ACKR3: variants seen among roughly 807,000 people sequenced by gnomAD.
ACKR3 encodes the protein atypical chemokine receptor 3, also known as C-X-C chemokine receptor type 7.
ACKR3 carries 6 observed loss-of-function variants against 22.4 expected under a neutral mutation model. The observed-to-expected ratio is 0.27, with a 90% CI of 0.15 to 0.53. The LOEUF is 0.53. Ranked by LOEUF, ACKR3 falls within the 20% of genes least tolerant of loss-of-function variation. The probability of loss-of-function intolerance (pLI) is 0.96; values close to 1 mark genes in which losing one functional copy is unlikely to be tolerated. For synonymous variants in ACKR3, 209 were observed against 205.2 expected, an observed-to-expected ratio of 1.02 and a Z score of -0.16; for missense variants, 396 against 475.2, an observed-to-expected ratio of 0.83 and a Z score of 1.55.
At chr2:236,538,933 G>A in the ACKR3 span, among the ~76,000 whole-genome samples, 63 of 152,172 alleles carry the variant, frequency 4.1e-4, no homozygotes, top group Non-Finnish European at 6.9e-4. Context: ...CAAAGTAGGC[G>A]CGGACAGGCT....
At chr2:236,556,650 C>A in the ACKR3 span, among the ~76,000 whole-genome samples, 1 of 152,154 alleles carries the variant, frequency 6.6e-6, no homozygotes, top group South Asian at 2.1e-4. Flanking sequence ...TGATCTCAGC[C>A]CAGGATATCT....
At chr2:236,572,000 G>A (rs939054024) in intron 1 of ACKR3, among the ~76,000 whole-genome samples, 1 of 152,108 alleles carries the variant, frequency 6.6e-6, no homozygotes, top group Admixed American at 6.5e-5. Flanking sequence ...CATAATTCAG[G>A]AAGAAACTAA....
At position 236,574,936 on chromosome 2, in the gene ACKR3, G is replaced by C. The variant is rs1402454525; in HGVS notation, c.-27+5012G>C. ...GCTGGCAGGGATGGAGGGCTGGACA[G>C]GTGCTTGCCCACCGCCGGCCACGGG... On this transcript the variant is annotated intron_variant, in intron 1 of 1. Coordinates refer to ENST00000272928, the MANE Select transcript of ACKR3 (RefSeq NM_020311.3). The surrounding 1 kb of genome is among the most constrained non-coding windows in gnomAD (Gnocchi z 5.6). Among the ~76,000 whole-genome samples the C allele has an allele frequency of 6.6e-6, 1 of 152,144 alleles. No individual in the cohort carries two copies. The highest frequency in any genetic ancestry group is 1.5e-5 in the Non-Finnish European group (1 of 68,030).
chr2:236,562,625 T>C, the ACKR3 span, among the ~76,000 whole-genome samples: 1 of 152,040 alleles, frequency 6.6e-6, no homozygotes, highest in African/African-American at 2.4e-5. Context: ...GACAGCAGTG[T>C]CCCTCAGAGT....
intron 1 of ACKR3, among the ~76,000 whole-genome samples, chr2:236,571,028 A>C (rs757496468): frequency 5.3e-5 from 8 of 152,224 alleles, no homozygotes; most frequent in South Asian, 2.1e-4. Flanking sequence ...TTAAAGGCAG[A>C]TGCTGCTTTT....
upstream of ACKR3, among the ~76,000 whole-genome samples, chr2:236,565,317 G>A (rs902738542): frequency 6.6e-6 from 1 of 152,172 alleles, no homozygotes; most frequent in Non-Finnish European, 1.5e-5. Flanking sequence ...CGATTCCAGC[G>A]TATTGACTAA....
chr2:236,560,567 T>C, the ACKR3 span, among the ~76,000 whole-genome samples: 2 of 152,190 alleles, frequency 1.3e-5, no homozygotes, highest in South Asian at 4.1e-4. Context: ...GTTTCTTATA[T>C]ATTTTAGAGA....
chr2:236,555,995 A>G, the ACKR3 span, among the ~76,000 whole-genome samples: 3 of 152,114 alleles, frequency 2.0e-5, no homozygotes, highest in African/African-American at 4.8e-5. Flanking sequence ...TCCTTTCTCA[A>G]CAATTCAGTC....
rs920688174 is a variant in ACKR3 at position 236,574,947 on chromosome 2, A to G, written c.-27+5023A>G. ...TGGAGGGCTGGACAGGTGCTTGCCC[A>G]CCGCCGGCCACGGGAAAGTTCTCTC... is the stretch of plus-strand genomic sequence containing the variant. On this transcript the variant is annotated intron_variant, in intron 1 of 1. Transcript: ENST00000272928. This position sits in a 1 kb window ranked among gnomAD's most constrained non-coding sequence, Gnocchi z 5.6. Among the ~76,000 whole-genome samples, 4 of 152,124 alleles carry G rather than the reference A, an allele frequency of 2.6e-5. No individual in the cohort carries two copies. The highest frequency in any genetic ancestry group is 5.9e-5 in the Non-Finnish European group (4 of 68,022).
the ACKR3 span, among the ~76,000 whole-genome samples, chr2:236,547,256 G>GT: frequency 1.3e-5 from 2 of 152,044 alleles, no homozygotes; most frequent in African/African-American, 2.4e-5. Flanking sequence ...TATTATTCTT[G>GT]TTTTTTTCTT....
At chr2:236,568,716 C>T (rs1198893156), upstream of ACKR3, among the ~76,000 whole-genome samples, 2 of 152,248 alleles carry the variant, frequency 1.3e-5, no homozygotes, top group African/African-American at 4.8e-5. Context: ...TTTCTAGCCA[C>T]GTGAGACTTT....
upstream of ACKR3, among the ~76,000 whole-genome samples, chr2:236,568,080 G>T (rs567442157): frequency 6.6e-6 from 1 of 152,356 alleles, no homozygotes; most frequent in East Asian, 1.9e-4. Context: ...AAAAAACTGC[G>T]TTGCCTTTTC....
chr2:236,540,641 A>G, the ACKR3 span, among the ~76,000 whole-genome samples: 1 of 152,104 alleles, frequency 6.6e-6, no homozygotes, highest in African/African-American at 2.4e-5. Context: ...TTACATTTAC[A>G]TCTAGGATCC....
At chr2:236,579,774 G>A (rs892450530) in intron 1 of ACKR3, among the ~76,000 whole-genome samples, 1 of 152,204 alleles carries the variant, frequency 6.6e-6, no homozygotes, top group African/African-American at 2.4e-5. Context: ...GAGTCTTCAG[G>A]TTTGGGGCGC....
the ACKR3 span, among the ~76,000 whole-genome samples, chr2:236,557,256 ATG>A: frequency 0.011 from 1,451 of 138,058 alleles, 4 homozygotes; most frequent in Non-Finnish European, 0.016. Flanking sequence ...ATGTGAACGT[ATG>A]TGTGTGTGTG....
chr2:236,551,813 G>A, the ACKR3 span, among the ~76,000 whole-genome samples: 3 of 152,128 alleles, frequency 2.0e-5, no homozygotes, highest in East Asian at 5.8e-4. Context: ...TTTGCCCTTA[G>A]TTCTCTGAGC....
chr2:236,537,674 CTTT>C, the ACKR3 span, among the ~76,000 whole-genome samples: 1 of 152,138 alleles, frequency 6.6e-6, no homozygotes, highest in African/African-American at 2.4e-5. Context: ...TACGTGGCTG[CTTT>C]AATTTTATGT....
At chr2:236,564,123 C>T (rs1483071127), upstream of ACKR3, among the ~76,000 whole-genome samples, 10 of 151,494 alleles carry the variant, frequency 6.6e-5, no homozygotes, top group South Asian at 4.1e-4. Flanking sequence ...AACCCCCTCT[C>T]GGGAAATGCC....
the ACKR3 span, among the ~76,000 whole-genome samples, chr2:236,541,580 C>T: frequency 1.3e-5 from 2 of 152,188 alleles, no homozygotes; most frequent in African/African-American, 4.8e-5. Context: ...AGACCTGCTG[C>T]TCCGTGTTTT....
Sources: allele counts gnomAD v4.1 joint callset (sites outside exome capture counted in the v4.1 genomes callset), GRCh38; gene constraint gnomAD v4.1.1; non-coding constraint Gnocchi (gnomAD v3.1); transcripts MANE v1.5; gene names NCBI Gene and HGNC (gene_info 2026-07-23, HGNC 2026-07-21).